The following KBTBD11 variants were observed in gnomAD, a reference collection of about 807,000 sequenced individuals.
The protein encoded by KBTBD11 is kelch repeat and BTB domain containing 11.
For synonymous variants in KBTBD11, 747 were observed against 499.0 expected (o/e 1.50, Z -6.63); for missense variants, 1,390 against 1,001.8 (o/e 1.39, Z -5.23).
chr8:1,985,117 C>G (rs1310314233), intron 1 of KBTBD11, among the ~76,000 whole-genome samples: 1 of 152,208 alleles, frequency 6.6e-6, no homozygotes, highest in Non-Finnish European at 1.5e-5. Context: ...TTGCCGACAG[C>G]CAGTCAGAGT....
chr8:1,989,250 C>G (rs917645332), intron 1 of KBTBD11, among the ~76,000 whole-genome samples: 1 of 152,226 alleles, frequency 6.6e-6, no homozygotes, highest in Non-Finnish European at 1.5e-5. Context: ...CAAGGACACT[C>G]ACAGAAACCT....
chr8:1,993,958 C>CACACACAA (rs1554527404), intron 1 of KBTBD11, among the ~76,000 whole-genome samples: 1 of 148,134 alleles, frequency 6.8e-6, no homozygotes, highest in Admixed American at 6.7e-5. Context: ...CACACACACA[C>CACACACAA]AAAACCCCAT....
At chr8:1,994,067 T>G (rs1345763891) in intron 1 of KBTBD11, among the ~76,000 whole-genome samples, 1 of 152,070 alleles carries the variant, frequency 6.6e-6, no homozygotes, top group Non-Finnish European at 1.5e-5. Flanking sequence ...AGCAGATTGC[T>G]CAATACTTCG....
chr8:1,977,149 A>G (rs989363155), intron 1 of KBTBD11, among the ~76,000 whole-genome samples: 5 of 152,010 alleles, frequency 3.3e-5, no homozygotes, highest in South Asian at 4.1e-4. Context: ...ACCCAAGACA[A>G]TTCTTCCAGT....
Position 2,002,101 on chromosome 8 carries a change from G to T in KBTBD11, c.909G>T (p.Pro303=). The change falls in exon 2 of 2, where the codon CCG becomes CCT. Residue 303 remains proline, a synonymous_variant. Transcript: ENST00000320248. This position sits in a 1 kb window ranked among gnomAD's most constrained non-coding sequence, Gnocchi z 4.1. The stretch of plus-strand genomic sequence containing the variant: ...ACCTCTTGGCCGCGGCGCTCGGGCC[G>T]GCGGGGGAGCGCGCGGGCAGCCGGC... ...RAHLLAAALG[P]AGERAGSRPQ... is the part of the protein sequence containing the mutation. The T allele has an allele frequency of 3.7e-6, 4 of 1,092,572 alleles. No individual in the cohort carries two copies. Among genetic ancestry groups the T allele is most frequent in the Non-Finnish European group, 4.4e-6 (4 of 902,052 alleles). The allele number at this position is 1,092,572 out of a possible 1,614,324, so 67.7% of individuals were successfully genotyped here. A position where few individuals can be genotyped will look rare whatever the true frequency, so the allele number is the denominator to read the frequency against.
rs2129316111 is a variant in KBTBD11 at position 2,001,072 on chromosome 8, A to G, written c.-121A>G. 9 of 1,228,480 alleles carry G rather than the reference A, an allele frequency of 7.3e-6. No homozygotes were observed. Among genetic ancestry groups the G allele is most frequent in the Non-Finnish European group, 8.2e-6 (8 of 974,136 alleles). 76.1% of individuals were successfully genotyped at this position (1,228,480 alleles called of 1,614,324 possible). ...ACAAAGCGTGGACACACAGAAGTGA[A>G]ATCTGATCGCGTGCCAGGAAAAGCT... is the stretch of plus-strand genomic sequence containing the variant. On this transcript the variant is annotated 5_prime_UTR_variant, in exon 2 of 2. Coordinates refer to ENST00000320248, the MANE Select transcript of KBTBD11 (RefSeq NM_014867.3).
At position 2,002,010 on chromosome 8, in the gene KBTBD11, TC is replaced by T; in HGVS notation, c.819del (p.Phe273LeufsTer68). On this transcript the variant is annotated frameshift_variant, in exon 2 of 2. Transcript: ENST00000320248. LOFTEE classifies it low-confidence loss of function (END_TRUNC). This position sits in a 1 kb window ranked among gnomAD's most constrained non-coding sequence, Gnocchi z 4.1. ...YLEVLREPAV[F>X]GRLSGAERDL... ...GAGGTGCTGCGCGAGCCCGCCGTGT[TC>T]GGCCGCCTGTCGGGCGCAGAGCGGG... 1 of 1,415,730 alleles carries T rather than the reference TC, an allele frequency of 7.1e-7. No homozygotes were observed. Among genetic ancestry groups the T allele is most frequent in the Non-Finnish European group, 9.3e-7 (1 of 1,075,250 alleles). 87.7% of individuals were successfully genotyped at this position (1,415,730 alleles called of 1,614,324 possible).
At position 2,001,586 on chromosome 8, in the gene KBTBD11, G is replaced by T. The variant is rs1217867785; in HGVS notation, c.394G>T (p.Gly132Trp). The T allele has an allele frequency of 4.1e-6, 6 of 1,457,428 alleles. No homozygotes were observed. The highest frequency in any genetic ancestry group is 3.0e-5 in the East Asian group (1 of 33,304). The allele number at this position is 1,457,428 out of a possible 1,614,324, so 90.3% of individuals were successfully genotyped here. Residue 132 changes from glycine (G) to tryptophan (W), a missense_variant, in exon 2 of 2, where the codon GGG becomes TGG. Coordinates refer to ENST00000320248, the MANE Select transcript of KBTBD11 (RefSeq NM_014867.3). ...CGGGGAGCCCGCGCCCGTACCCCCG[G>T]GGTTCGGGGCGGTGTACGGGGAGCC... ...EPGEPAPVPP[G>W]FGAVYGEPDL...
Position 2,002,325 on chromosome 8 carries a change from C to T in KBTBD11, c.1133C>T (p.Pro378Leu), listed in dbSNP as rs1032893555. The T allele has an allele frequency of 4.9e-5, 69 of 1,419,700 alleles. 1 individual carries two copies. Among genetic ancestry groups the T allele is most frequent in the Non-Finnish European group, 6.2e-5 (68 of 1,092,232 alleles). The allele number at this position is 1,419,700 out of a possible 1,614,324, so 87.9% of individuals were successfully genotyped here. A position where few individuals can be genotyped will look rare whatever the true frequency, so the allele number is the denominator to read the frequency against. The stretch of plus-strand genomic sequence containing the variant: ...GCGGGCCCCGACGGCCGCGCGCGCC[C>T]GTCCGACCAGGTCTTCTGCTACAAC... ...APAGPDGRAR[P>L]SDQVFCYNPA... Residue 378 changes from proline (P) to leucine (L), a missense_variant, in exon 2 of 2, where the codon CCG becomes CTG. Physicochemically the swap from Pro to Leu is moderately conservative, Grantham distance 98 (BLOSUM62 -3). Coordinates refer to ENST00000320248, the MANE Select transcript of KBTBD11 (RefSeq NM_014867.3). The surrounding 1 kb of genome is among the most constrained non-coding windows in gnomAD (Gnocchi z 4.1).
In KBTBD11 at chr8:2,001,340, C is replaced by T. The variant is rs1451356776; in HGVS notation, c.148C>T (p.Pro50Ser). The change falls in exon 2 of 2, where the codon CCG becomes TCG. Residue 50 changes from proline (P) to serine (S), a missense_variant. Coordinates refer to ENST00000320248, the MANE Select transcript of KBTBD11 (RefSeq NM_014867.3). The stretch of plus-strand genomic sequence containing the variant: ...GTGCTTCAGCTCCGGGGAAGAGTCC[C>T]CGCCGCAGTCCCTCGCCTCAGCGGC... ...SLCFSSGEES[P>S]PQSLASAAEG... The T allele has an allele frequency of 6.6e-7, 1 of 1,509,178 alleles. No homozygotes were observed. The highest frequency in any genetic ancestry group is 2.0e-5 in the Admixed American group (1 of 49,194). The allele number at this position is 1,509,178 out of a possible 1,614,324, so 93.5% of individuals were successfully genotyped here. A position where few individuals can be genotyped will look rare whatever the true frequency, so the allele number is the denominator to read the frequency against.
At chr8:1,994,571 A>C (rs1489273648) in intron 1 of KBTBD11, among the ~76,000 whole-genome samples, 1 of 152,176 alleles carries the variant, frequency 6.6e-6, no homozygotes, top group East Asian at 1.9e-4. Context: ...ATATTGATGA[A>C]ATCACATAAA....
intron 1 of KBTBD11, among the ~76,000 whole-genome samples, chr8:1,983,387 C>T (rs1816603836): frequency 6.6e-6 from 1 of 152,228 alleles, no homozygotes; most frequent in Admixed American, 6.5e-5. Flanking sequence ...AGTCCTGTCC[C>T]AGGCAGCTGG....
chr8:1,978,653 G>A (rs952376068), intron 1 of KBTBD11, among the ~76,000 whole-genome samples: 4 of 152,196 alleles, frequency 2.6e-5, no homozygotes, highest in Non-Finnish European at 5.9e-5. Flanking sequence ...TCCCTGGCCT[G>A]CCACGTAGAA....
intron 1 of KBTBD11, among the ~76,000 whole-genome samples, chr8:1,993,854 G>T (rs1324316049): frequency 2.0e-5 from 3 of 151,194 alleles, no homozygotes; most frequent in Non-Finnish European, 4.4e-5. Flanking sequence ...AAACCAGGAT[G>T]GGGGTTGTCT....
At position 2,000,776 on chromosome 8, in the gene KBTBD11, A is replaced by C; in HGVS notation, c.-417A>C. The C allele has an allele frequency of 5.9e-6, 1 of 168,610 alleles. No individual in the cohort carries two copies. Among genetic ancestry groups the C allele is most frequent in the African/African-American group, 2.4e-5 (1 of 42,218 alleles). The allele number at this position is 168,610 out of a possible 1,614,324, so 10.4% of individuals were successfully genotyped here. A position where few individuals can be genotyped will look rare whatever the true frequency, so the allele number is the denominator to read the frequency against. On this transcript the variant is annotated 5_prime_UTR_variant, in exon 2 of 2. Transcript: ENST00000320248. Reference sequence around the variant, plus strand: ...GTCAGCCAGCGTTGCAAAGAGGGATAGCTAGTCACTCAGGCTGCAGAGAGA... The same window carrying C: ...GTCAGCCAGCGTTGCAAAGAGGGATCGCTAGTCACTCAGGCTGCAGAGAGA...
intron 1 of KBTBD11, among the ~76,000 whole-genome samples, chr8:1,986,214 G>T (rs573569129): frequency 6.6e-6 from 1 of 152,288 alleles, no homozygotes; most frequent in East Asian, 1.9e-4. Context: ...GCAGCCAATG[G>T]TCATTGTTCC....
intron 1 of KBTBD11, among the ~76,000 whole-genome samples, chr8:1,985,442 G>C (rs1019516594): frequency 2.0e-5 from 3 of 152,274 alleles, no homozygotes; most frequent in Non-Finnish European, 4.4e-5. Flanking sequence ...GTCTCCAGGG[G>C]AGATGCTCTT....
intron 1 of KBTBD11, among the ~76,000 whole-genome samples, chr8:1,989,822 T>C (rs1443026451): frequency 6.6e-6 from 1 of 151,580 alleles, no homozygotes; most frequent in East Asian, 2.0e-4. Flanking sequence ...CTGGAATCCA[T>C]GGCTCTGACT....
chr8:1,996,340 C>T (rs1817136938), intron 1 of KBTBD11, among the ~76,000 whole-genome samples: 1 of 152,100 alleles, frequency 6.6e-6, no homozygotes, highest in Non-Finnish European at 1.5e-5. Flanking sequence ...GATCTCGGCT[C>T]ACTGCAACCT....
Sources: gnomAD v4.1 joint callset for allele counts (sites outside exome capture counted in the v4.1 genomes callset) on GRCh38, gnomAD v4.1.1 for gene constraint, Gnocchi (gnomAD v3.1) non-coding constraint, MANE v1.5 for transcripts, NCBI Gene and HGNC (gene_info 2026-07-23, HGNC 2026-07-21) for gene names.